The following E2F8 variants were observed in gnomAD, a reference collection of about 807,000 sequenced individuals.
E2F8 encodes the protein E2F transcription factor 8.
A neutral mutation model predicts 80.8 loss-of-function variants in E2F8; 35 were observed. The observed-to-expected ratio is 0.43, with a 90% CI of 0.33 to 0.57. The LOEUF (loss-of-function observed/expected upper bound fraction) is 0.57. Among genes scored for constraint, E2F8 ranks in the 20% least tolerant of loss-of-function variants. The probability of loss-of-function intolerance (pLI) is 0.04; values close to 1 mark genes in which losing one functional copy is unlikely to be tolerated. For missense variants in E2F8, 975 were observed against 1,056.2 expected (o/e 0.92, Z 1.07); for synonymous variants, 386 against 395.0 (o/e 0.98, Z 0.27).
chr11:19,240,064 T>G (rs778182081), intron 2 of E2F8, 43 bp downstream of exon 2: 2 of 1,465,158 alleles, frequency 1.4e-6, no homozygotes, highest in South Asian at 2.8e-5. Context: ...AGGATGATAC[T>G]GAATTTAAAA....
chr11:19,225,250 G>A lies in E2F8; in HGVS notation c.2392C>T (p.Gln798Ter), dbSNP rs1413137846. The change falls in exon 12 of 13, where the codon CAA (glutamine) becomes TAA (stop). Residue 798 changes from glutamine (Q) to a stop codon, truncating the protein, a stop_gained. Coordinates refer to ENST00000250024, the MANE Select transcript of E2F8 (RefSeq NM_024680.4). LOFTEE classifies it high-confidence loss of function. Reference sequence around the variant, plus strand: ...TGTGCCCCTGTCACAGCAACTGATTGTCCATTTGGCTGGCTCTGGCCTGGG... The same window carrying A: ...TGTGCCCCTGTCACAGCAACTGATTATCCATTTGGCTGGCTCTGGCCTGGG... ...PVPGQSQPNGQSVAVTGAQQP... is the reference protein window; with the variant it reads ...PVPGQSQPNG 2.5e-6 allele frequency: 4 copies of A among 1,613,754 alleles called. No individual in the cohort carries two copies. Among genetic ancestry groups the A allele is most frequent in the East Asian group, 2.2e-5 (1 of 44,904 alleles).
In E2F8 at chr11:19,237,998, T is replaced by C. The variant is rs768891702; in HGVS notation, c.150A>G (p.Glu50=). Residue 50 remains glutamate, a synonymous_variant, in exon 3 of 13, where the codon GAA becomes GAG. Coordinates refer to ENST00000250024, the MANE Select transcript of E2F8 (RefSeq NM_024680.4). ...GTGTCCACGGCTCTCCCTGAGAGCCTTCCTTGGGCTTGGTAGGTGTGGTTA... is the reference window on the plus strand; with the variant it reads ...GTGTCCACGGCTCTCCCTGAGAGCCCTCCTTGGGCTTGGTAGGTGTGGTTA... The part of the protein sequence containing the change: ...GPLTTPTKPK[E]GSQGEPWTPT... 1 of 1,614,214 alleles carries C rather than the reference T, an allele frequency of 6.2e-7. No homozygotes were observed. The highest frequency in any genetic ancestry group is 8.5e-7 in the Non-Finnish European group (1 of 1,180,042).
rs780200244 is a variant in E2F8 at position 19,234,922 on chromosome 11, G to A, written c.588C>T (p.Ile196=). ...GCTCGGCGTACTTATTCTCCTCCCC[G>A]ATGCTCTTCAAGGTGCCAAGGGTTT... is the stretch of plus-strand genomic sequence containing the variant. ...LNKTLGTLKS[I]GEENKYAEQI... Residue 196 remains isoleucine (I), a synonymous_variant, in exon 5 of 13, where the codon ATC becomes ATT. Transcript: ENST00000250024. The A allele has an allele frequency of 3.1e-6, 5 of 1,614,036 alleles. No individual in the cohort carries two copies. The East Asian group carries it at 8.9e-5, about 29-fold the overall frequency.
At chr11:19,224,881 A>G in intron 12 of E2F8, 41 bp from the exon 13 acceptor site, 2 of 1,607,564 alleles carry the variant, frequency 1.2e-6, no homozygotes, top group Non-Finnish European at 1.7e-6. Flanking sequence ...AGTCAACCAC[A>G]CACAGGTACA....
intron 3 of E2F8, 121 bp from the exon 4 acceptor site, chr11:19,237,591 T>A: frequency 8.5e-7 from 1 of 1,170,474 alleles, no homozygotes. Context: ...AGCTGCAAAG[T>A]CTGGATGGGA....
In E2F8 at chr11:19,233,806, A is replaced by G. The variant is rs997921566; in HGVS notation, c.928+554T>C. On this transcript the variant is annotated intron_variant, in intron 6 of 12. Transcript: ENST00000250024. ...CCTGGCCGTGTTTACTTTTGAGAAC[A>G]ATGTTACAATATCAAATGAAGCAAT... Among the ~76,000 whole-genome samples, 5 of 152,018 alleles carry G rather than the reference A, an allele frequency of 3.3e-5. No homozygotes were observed. In the South Asian group the frequency reaches 6.2e-4, roughly 19 times the overall value.
chr11:19,234,835 A>G lies in E2F8; in HGVS notation c.675T>C (p.Ser225=). The part of the protein sequence containing the change: ...EQEFDFIKSY[S]IEDHIIKSNT... ...TTGATTTGATGATATGATCCTCTAT[A>G]CTGTAACTCTTAATAAAGTCAAACT... The change falls in exon 5 of 13, where the codon AGT becomes AGC. Residue 225 remains serine (S), a synonymous_variant. Coordinates refer to ENST00000250024, the MANE Select transcript of E2F8 (RefSeq NM_024680.4). The G allele has an allele frequency of 6.2e-7, 1 of 1,614,164 alleles. No individual in the cohort carries two copies. Among genetic ancestry groups the G allele is most frequent in the Non-Finnish European group, 8.5e-7 (1 of 1,180,034 alleles).
intron 10 of E2F8, among the ~76,000 whole-genome samples, chr11:19,227,842 C>G (rs775100059): frequency 1.3e-5 from 2 of 152,196 alleles, no homozygotes; most frequent in Non-Finnish European, 2.9e-5. Flanking sequence ...GATCTCAGCA[C>G]TTTGGGAAGC....
chr11:19,233,548 C>T (rs187014805), intron 6 of E2F8, among the ~76,000 whole-genome samples: 5 of 151,988 alleles, frequency 3.3e-5, no homozygotes, highest in East Asian at 1.9e-4. Context: ...AGTGCAGTGG[C>T]GCGATCTCGG....
intron 4 of E2F8, among the ~76,000 whole-genome samples, chr11:19,235,449 C>T (rs950109394): frequency 6.6e-6 from 1 of 152,164 alleles, no homozygotes; most frequent in Non-Finnish European, 1.5e-5. Flanking sequence ...GAGATGGAGA[C>T]CATCCTGGCT....
At position 19,229,868 on chromosome 11, in the gene E2F8, G is replaced by C. The variant is rs974845448; in HGVS notation, c.1479C>G (p.Pro493=). 1 of 1,613,928 alleles carries C rather than the reference G, an allele frequency of 6.2e-7. No homozygotes were observed. Among genetic ancestry groups the C allele is most frequent in the African/African-American group, 1.3e-5 (1 of 74,902 alleles). The stretch of plus-strand genomic sequence containing the variant: ...TGGGGATCAGGGGAACCATTCCCAG[G>C]GGCTGGATGAGGGACGGTGCTGTCA... ...MELTAPSLIQ[P]LGMVPLIPSP... is the part of the protein sequence containing the mutation. The change falls in exon 10 of 13, where the codon CCC becomes CCG. Residue 493 remains proline, a synonymous_variant. Transcript: ENST00000250024. The surrounding 1 kb of genome is among the most constrained non-coding windows in gnomAD (Gnocchi z 4.3).
Position 19,238,017 on chromosome 11 carries a change from G to C in E2F8, c.131C>G (p.Thr44Arg), listed in dbSNP as rs774095510. 1 of 1,614,190 alleles carries C rather than the reference G, an allele frequency of 6.2e-7. No individual in the cohort carries two copies. The highest frequency in any genetic ancestry group is 8.5e-7 in the Non-Finnish European group (1 of 1,180,038). The change falls in exon 3 of 13, where the codon ACA (threonine) becomes AGA (arginine). Residue 44 changes from threonine (T) to arginine (R), a missense_variant. Thr to Arg is a moderately conservative substitution (Grantham distance 71). Transcript: ENST00000250024. ...EIQPDFGPLTTPTKPKEGSQG... is the reference protein window; with the variant it reads ...EIQPDFGPLTRPTKPKEGSQG... ...AGAGCCTTCCTTGGGCTTGGTAGGT[G>C]TGGTTAAAGGGCCAAAGTCAGGCTG...
intron 3 of E2F8, among the ~76,000 whole-genome samples, 191 bp from the exon 4 acceptor site, chr11:19,237,661 G>A (rs1349182521): frequency 3.3e-5 from 5 of 152,148 alleles, no homozygotes; most frequent in African/African-American, 1.2e-4. Context: ...AGCCTGAAAC[G>A]AAAATAACGC....
At chr11:19,236,029 T>G (rs574270199) in intron 4 of E2F8, among the ~76,000 whole-genome samples, 1 of 152,366 alleles carries the variant, frequency 6.6e-6, no homozygotes, top group South Asian at 2.1e-4. Context: ...TAGAATTCTC[T>G]TCGTTCAAGA....
rs993371876 is a variant in E2F8, at chr11:19,238,264, A to G, written c.16-132T>C. ...GTCTAATGAGATTGTAGAGTTGAGG[A>G]AATTAATAACTGTATTCTAATGGTC... On this transcript the variant is annotated intron_variant, in intron 2 of 12. Coordinates refer to ENST00000250024, the MANE Select transcript of E2F8 (RefSeq NM_024680.4). 4.0e-5 allele frequency: 35 copies of G among 876,280 alleles called. No individual in the cohort carries two copies. The Middle Eastern group carries it at 1.4e-3, about 35-fold the overall frequency. The allele number at this position is 876,280 out of a possible 1,614,324, so 54.3% of individuals were successfully genotyped here.
intron 2 of E2F8, 135 bp downstream of exon 2, chr11:19,239,972 T>A (rs1851616616): frequency 2.0e-6 from 1 of 506,306 alleles, no homozygotes; most frequent in Non-Finnish European, 3.4e-6. Context: ...AAGGTTCATT[T>A]TTTCCAGGTC....
chr11:19,230,952 G>C, intron 7 of E2F8, 118 bp from the exon 8 acceptor site: 1 of 841,368 alleles, frequency 1.2e-6, no homozygotes, highest in South Asian at 1.7e-5. Context: ...CCATGTGCCT[G>C]TCACTGTTCT....
rs1851622448 is a variant in E2F8 at position 19,240,195 on chromosome 11, A to C, written c.-74T>G. The C allele has an allele frequency of 2.0e-6, 2 of 1,014,298 alleles. No homozygotes were observed. Among genetic ancestry groups the C allele is most frequent in the Non-Finnish European group, 2.8e-6 (2 of 709,304 alleles). 62.8% of individuals were successfully genotyped at this position (1,014,298 alleles called of 1,614,324 possible). A position where few individuals can be genotyped will look rare whatever the true frequency, so the allele number is the denominator to read the frequency against. On this transcript the variant is annotated 5_prime_UTR_variant, in exon 2 of 13. Transcript: ENST00000250024. ...TTCCTCCCCAAATCCCGATGGTTCAAGTAGTCCAATCAATTGTACTAAAAG... is the reference window on the plus strand; with the variant it reads ...TTCCTCCCCAAATCCCGATGGTTCACGTAGTCCAATCAATTGTACTAAAAG...
chr11:19,238,893 A>G (rs918481150), intron 2 of E2F8, among the ~76,000 whole-genome samples: 5 of 151,998 alleles, frequency 3.3e-5, no homozygotes, highest in African/African-American at 9.7e-5. Flanking sequence ...GTTTGCATCA[A>G]CCTAACAGCT....
Sources: allele counts gnomAD v4.1 joint callset (sites outside exome capture counted in the v4.1 genomes callset), GRCh38; gene constraint gnomAD v4.1.1; non-coding constraint Gnocchi (gnomAD v3.1); transcripts MANE v1.5; gene names NCBI Gene and HGNC (gene_info 2026-07-23, HGNC 2026-07-21).